The following ABCC9 variants were observed in gnomAD, a reference collection of about 807,000 sequenced individuals.
ABCC9 encodes the protein ATP binding cassette subfamily C member 9.
ABCC9 carries 95 observed loss-of-function variants against 188.3 expected under a neutral mutation model. The ratio of observed to expected loss-of-function variants is 0.50; its 90% CI spans 0.43 to 0.60. The LOEUF (loss-of-function observed/expected upper bound fraction) is 0.60, where lower values mean the gene tolerates loss of function less well. Ranked by LOEUF, ABCC9 falls within the 20% of genes least tolerant of loss-of-function variation. The pLI is 0.00. For missense variants in ABCC9, 1,102 were observed against 1,876.3 expected (o/e 0.59, Z 7.62); for synonymous variants, 659 against 652.7 (o/e 1.01, Z -0.15).
At chr12:21,931,153 G>A (rs933070849) in intron 4 of ABCC9, among the ~76,000 whole-genome samples, 30 of 152,082 alleles carry the variant, frequency 2.0e-4, no homozygotes, top group African/African-American at 7.2e-4. Context: ...TGTTGGGGGA[G>A]GGACCTCATG....
chr12:21,862,879 C>G, intron 20 of ABCC9, 74 bp downstream of exon 20: 2 of 979,592 alleles, frequency 2.0e-6, no homozygotes, highest in South Asian at 2.6e-5. Context: ...TTCCAGAAAC[C>G]ATTGTTCATT....
chr12:21,907,466 C>T (rs541840690), intron 11 of ABCC9, among the ~76,000 whole-genome samples: 4 of 152,096 alleles, frequency 2.6e-5, no homozygotes, highest in African/African-American at 9.6e-5. Context: ...AACATGCTGT[C>T]AACAATTTTA....
At chr12:21,891,578 T>G (rs1481411621) in intron 14 of ABCC9, among the ~76,000 whole-genome samples, 2 of 152,148 alleles carry the variant, frequency 1.3e-5, no homozygotes, top group East Asian at 1.9e-4. Flanking sequence ...AAGCCAAACC[T>G]TATTAAAAGA....
intron 12 of ABCC9, among the ~76,000 whole-genome samples, chr12:21,896,028 G>A (rs970862214): frequency 2.0e-5 from 3 of 147,134 alleles, no homozygotes; most frequent in Non-Finnish European, 3.0e-5. Context: ...AAAGTGAATT[G>A]TTTGTAACAG....
chr12:21,889,481 T>C (rs1187252291), intron 14 of ABCC9, among the ~76,000 whole-genome samples: 1 of 152,150 alleles, frequency 6.6e-6, no homozygotes, highest in Non-Finnish European at 1.5e-5. Flanking sequence ...TTAAACAATC[T>C]CACACTATGT....
chr12:21,918,884 C>T (rs935722630), intron 5 of ABCC9, among the ~76,000 whole-genome samples: 1 of 152,036 alleles, frequency 6.6e-6, no homozygotes, highest in Non-Finnish European at 1.5e-5. Context: ...AACCTTTGAT[C>T]TTTTCATGCA....
chr12:21,941,338 C>A lies in ABCC9; in HGVS notation c.-275G>T, dbSNP rs896201672. ...CTGCTCTGGGCCGGGGCAGACACCG[C>A]GGCTGAGAAGCAGGAAACTGGGCAG... On this transcript the variant is annotated 5_prime_UTR_variant, in exon 1 of 40. Coordinates refer to ENST00000261200, the MANE Select transcript of ABCC9 (RefSeq NM_020297.4). The surrounding 1 kb of genome is among the most constrained non-coding windows in gnomAD (Gnocchi z 5.4). 3.3e-5 allele frequency: 5 copies of A among 152,368 alleles called. No homozygotes were observed. Among genetic ancestry groups the A allele is most frequent in the Admixed American group, 1.3e-4 (2 of 15,282 alleles). 9.4% of individuals were successfully genotyped at this position (152,368 alleles called of 1,614,324 possible).
chr12:21,937,537 A>G (rs568146605), intron 2 of ABCC9, among the ~76,000 whole-genome samples: 3 of 152,220 alleles, frequency 2.0e-5, no homozygotes, highest in East Asian at 1.9e-4. Flanking sequence ...ACGTGCTCTC[A>G]CTTACATGTT....
Position 21,894,168 on chromosome 12 carries a change from C to T in ABCC9, c.1666G>A (p.Val556Met). The change falls in exon 14 of 40, where the codon GTG (valine) becomes ATG (methionine). Residue 556 changes from valine to methionine, a missense_variant. This residue lies in a region of ABCC9 where 258 missense variants were observed against 325.6 expected (regional missense o/e 0.79). Transcript: ENST00000261200. The part of the protein sequence containing the change: ...IPIAAVLATF[V>M]THAYASGNNL... ...TTTCCACTGGCATACGCATGGGTCA[C>T]AAATGTCTGTGCAAAGAAAGGAGTT... 1 of 1,613,950 alleles carries T rather than the reference C, an allele frequency of 6.2e-7. No individual in the cohort carries two copies. The highest frequency in any genetic ancestry group is 1.3e-5 in the African/African-American group (1 of 74,990).
chr12:21,902,833 T>A (rs1448751112), intron 12 of ABCC9, among the ~76,000 whole-genome samples: 1 of 152,154 alleles, frequency 6.6e-6, no homozygotes, highest in Non-Finnish European at 1.5e-5. Context: ...CAGGACCAGA[T>A]GGATTCACAG....
intron 30 of ABCC9, among the ~76,000 whole-genome samples, chr12:21,834,456 C>A (rs1943955768): frequency 6.6e-6 from 1 of 152,128 alleles, no homozygotes; most frequent in Non-Finnish European, 1.5e-5. Flanking sequence ...GTCCCTTAGG[C>A]TTTCCAGACC....
intron 36 of ABCC9, among the ~76,000 whole-genome samples, chr12:21,811,394 A>G (rs1214577217): frequency 1.3e-5 from 2 of 152,190 alleles, no homozygotes; most frequent in Non-Finnish European, 2.9e-5. Context: ...GAATCAGGCA[A>G]ACTTCAGTTG....
rs530248587 is a variant in ABCC9, at chr12:21,817,110, C to T, written c.3892+77G>A. 5 of 1,522,238 alleles carry T rather than the reference C, an allele frequency of 3.3e-6. No homozygotes were observed. The Admixed American group carries it at 5.1e-5, about 15-fold the overall frequency. 94.3% of individuals were successfully genotyped at this position (1,522,238 alleles called of 1,614,324 possible). On this transcript the variant is annotated intron_variant, in intron 33 of 39. Coordinates refer to ENST00000261200, the MANE Select transcript of ABCC9 (RefSeq NM_020297.4). ...CTGAAGTGGAAAGCAAAAGCAGAAA[C>T]AACAATGTGCCCAACAAACACTAAT...
intron 32 of ABCC9, 140 bp downstream of exon 32, chr12:21,818,010 C>T: frequency 1.8e-6 from 1 of 566,278 alleles, no homozygotes; most frequent in Non-Finnish European, 3.4e-6. Flanking sequence ...TCCCTCCCCT[C>T]ACCCCCACCC....
At chr12:21,931,472 C>T (rs1046153547) in intron 4 of ABCC9, among the ~76,000 whole-genome samples, 1 of 151,514 alleles carries the variant, frequency 6.6e-6, no homozygotes, top group Non-Finnish European at 1.5e-5. Context: ...AAGTCTATAC[C>T]TAAAGAGTAG....
At chr12:21,859,790 T>C in intron 21 of ABCC9, 124 bp from the exon 22 acceptor site, 1 of 844,134 alleles carries the variant, frequency 1.2e-6, no homozygotes, top group Non-Finnish European at 2.1e-6. Context: ...GTTAATTAAA[T>C]TGTAGTAACA....
chr12:21,845,011 C>A, intron 26 of ABCC9, 96 bp from the exon 27 acceptor site: 1 of 1,468,420 alleles, frequency 6.8e-7, no homozygotes. Flanking sequence ...AGATTGTTTT[C>A]TTCATTATTT....
intron 16 of ABCC9, among the ~76,000 whole-genome samples, chr12:21,878,785 A>G (rs1946490597): frequency 6.6e-6 from 1 of 152,188 alleles, no homozygotes; most frequent in Non-Finnish European, 1.5e-5. Context: ...GAAGTAAAAG[A>G]AGGAACAACA....
chr12:21,801,846 C>T (rs1941452420), intron 39 of ABCC9, among the ~76,000 whole-genome samples: 1 of 152,184 alleles, frequency 6.6e-6, no homozygotes, highest in Admixed American at 6.5e-5. Context: ...AATCATTAGA[C>T]CATTCCTCAG....
Sources: allele counts gnomAD v4.1 joint callset (sites outside exome capture counted in the v4.1 genomes callset), GRCh38; gene constraint gnomAD v4.1.1; regional missense constraint gnomAD v4.1.1; non-coding constraint Gnocchi (gnomAD v3.1); transcripts MANE v1.5; gene names NCBI Gene and HGNC (gene_info 2026-07-23, HGNC 2026-07-21).